TET1: variants seen among roughly 807,000 people sequenced by gnomAD.
The protein encoded by TET1 is methylcytosine dioxygenase TET1.
In TET1, 13 loss-of-function variants were observed where a neutral mutation model predicts 148.7. The observed-to-expected ratio is 0.09, with a 90% CI of 0.06 to 0.14. The LOEUF (loss-of-function observed/expected upper bound fraction) is 0.14. Ranked by LOEUF, TET1 falls within the 10% of genes least tolerant of loss-of-function variation. The probability of loss-of-function intolerance (pLI) is 1.00; values close to 1 mark genes in which losing one functional copy is unlikely to be tolerated. For synonymous variants in TET1, 907 were observed against 937.2 expected (o/e 0.97, Z 0.59); for missense variants, 2,182 against 2,553.8 (o/e 0.85, Z 3.14).
chr10:68,679,518 C>G (rs376895876), intron 8 of TET1, among the ~76,000 whole-genome samples: 1 of 152,284 alleles, frequency 6.6e-6, no homozygotes, highest in East Asian at 1.9e-4. Context: ...TGTAGTAAAA[C>G]ACGGTTACCC....
chr10:68,574,307 T>G, intron 2 of TET1, 55 bp downstream of exon 2: 1 of 1,422,084 alleles, frequency 7.0e-7, no homozygotes. Context: ...TAGTGATCTA[T>G]ATGCAGAGAC....
Position 68,690,459 on chromosome 10 carries a change from T to A in TET1, c.5405-349T>A, listed in dbSNP as rs184411003. The stretch of plus-strand genomic sequence containing the variant: ...TGTCTCTACTAAAAAATACAAAAAA[T>A]TAGCCAGGCGTGGTGGCAGGCGCCT... On this transcript the variant is annotated intron_variant, in intron 11 of 11. Coordinates refer to ENST00000373644, the MANE Select transcript of TET1 (RefSeq NM_030625.3). Among the ~76,000 whole-genome samples, 3 of 152,088 alleles carry A rather than the reference T, an allele frequency of 2.0e-5. No homozygotes were observed. In the East Asian group the frequency reaches 5.8e-4, roughly 29 times the overall value.
At chr10:68,678,605 C>A (rs1209162679) in intron 8 of TET1, among the ~76,000 whole-genome samples, 28 of 151,412 alleles carry the variant, frequency 1.8e-4, no homozygotes, top group Admixed American at 1.8e-3. Flanking sequence ...GAAAAATTAG[C>A]CGGGCATGGT....
chr10:68,562,676 G>C (rs549011560), intron 1 of TET1, among the ~76,000 whole-genome samples: 3 of 139,674 alleles, frequency 2.1e-5, no homozygotes, highest in African/African-American at 7.7e-5. Flanking sequence ...TTTAATAAGA[G>C]TTAACTATCG....
chr10:68,590,154 C>A (rs573309732), intron 2 of TET1, among the ~76,000 whole-genome samples: 2 of 152,010 alleles, frequency 1.3e-5, no homozygotes, highest in South Asian at 2.1e-4. Flanking sequence ...GCTCTGTTGC[C>A]CAGTCTGGAG....
At chr10:68,671,391 G>C (rs1307494611) in intron 7 of TET1, among the ~76,000 whole-genome samples, 2 of 152,172 alleles carry the variant, frequency 1.3e-5, no homozygotes, top group African/African-American at 2.4e-5. Context: ...GTTCTTTTCT[G>C]TGGCTGCATA....
rs1210430339 is a variant in TET1 at position 68,573,925 on chromosome 10, T to C, written c.1587T>C (p.Gly529=). ...GAGGACTCTTCCATGCTTCACTGGG[T>C]ATAGCCCAACTCTCTCAGGCTGGTC... ...PERGLFHASL[G]IAQLSQAGPS... The change falls in exon 2 of 12, where the codon GGT becomes GGC. Residue 529 remains glycine (G), a synonymous_variant. Coordinates refer to ENST00000373644, the MANE Select transcript of TET1 (RefSeq NM_030625.3). 3 of 1,614,070 alleles carry C rather than the reference T, an allele frequency of 1.9e-6. No homozygotes were observed. Among genetic ancestry groups the C allele is most frequent in the South Asian group, 2.2e-5 (2 of 91,084 alleles).
At position 68,672,979 on chromosome 10, in the gene TET1, T is replaced by A; in HGVS notation, c.4758T>A (p.Asn1586Lys). ...SFGCSWSMYFNGCKFGRSPSP... is the reference protein window; with the variant it reads ...SFGCSWSMYFKGCKFGRSPSP... ...GCTGTTCATGGAGTATGTACTTTAA[T>A]GGCTGTAAGTTTGGTAGAAGCCCAA... The change falls in exon 8 of 12, where the codon AAT becomes AAA. Residue 1586 changes from asparagine to lysine, a missense_variant. Coordinates refer to ENST00000373644, the MANE Select transcript of TET1 (RefSeq NM_030625.3). 6.2e-7 allele frequency: 1 copy of A among 1,612,790 alleles called. No individual in the cohort carries two copies. Among genetic ancestry groups the A allele is most frequent in the East Asian group, 2.2e-5 (1 of 44,834 alleles).
At chr10:68,575,154 C>T (rs992248333) in intron 2 of TET1, among the ~76,000 whole-genome samples, 20 of 152,244 alleles carry the variant, frequency 1.3e-4, no homozygotes, top group African/African-American at 4.8e-4. Context: ...AAGGCCGAGG[C>T]GGGCAGATCA....
At chr10:68,653,663 GT>G (rs2054973172) in intron 6 of TET1, among the ~76,000 whole-genome samples, 2 of 152,100 alleles carry the variant, frequency 1.3e-5, no homozygotes, top group African/African-American at 4.8e-5. Context: ...GAATTTACAT[GT>G]TTCTTGTTTT....
At chr10:68,636,981 T>TGTGTGTGTG (rs61255091) in intron 3 of TET1, among the ~76,000 whole-genome samples, 28,536 of 102,212 alleles carry the variant, frequency 0.28, 3,068 homozygotes, top group East Asian at 0.47. Context: ...ATTTTACTCG[T>TGTGTGTGTG]TGTGTGTGTG....
At chr10:68,570,005 G>A (rs1415951042) in intron 1 of TET1, among the ~76,000 whole-genome samples, 1 of 152,104 alleles carries the variant, frequency 6.6e-6, no homozygotes, top group Non-Finnish European at 1.5e-5. Context: ...GGGGGTACAT[G>A]TGCAGGTTTG....
At chr10:68,658,830 T>C (rs556672650) in intron 6 of TET1, among the ~76,000 whole-genome samples, 31 of 152,222 alleles carry the variant, frequency 2.0e-4, no homozygotes, top group Non-Finnish European at 3.1e-4. Flanking sequence ...ATTGTGCCAC[T>C]GCCCTCCAGC....
rs1203513891 is a variant in TET1 at position 68,575,735 on chromosome 10, A to AAATC, written c.1914+1486_1914+1487insCAAT. On this transcript the variant is annotated intron_variant, in intron 2 of 11. Coordinates refer to ENST00000373644, the MANE Select transcript of TET1 (RefSeq NM_030625.3). Reference sequence around the variant, plus strand: ...TAAATAAATAAATAAATAAATAAATAAATAGGCCGGGCGCGGTGGCTCACA... The same window carrying AAATC: ...TAAATAAATAAATAAATAAATAAATAAATCAATAGGCCGGGCGCGGTGGCTCACA... 3.6e-3 allele frequency among the ~76,000 whole-genome samples: 548 copies of AAATC among 150,140 alleles called. 2 individuals are homozygous for AAATC. The highest frequency in any genetic ancestry group is 0.013 in the African/African-American group (528 of 40,876).
intron 2 of TET1, among the ~76,000 whole-genome samples, chr10:68,583,671 G>A (rs1436457084): frequency 2.0e-5 from 3 of 152,134 alleles, no homozygotes; most frequent in Non-Finnish European, 2.9e-5. Flanking sequence ...CCAGCACTTC[G>A]GGAGGCCGAG....
intron 3 of TET1, among the ~76,000 whole-genome samples, chr10:68,631,443 T>C (rs2054569606): frequency 6.8e-6 from 1 of 147,856 alleles, no homozygotes; most frequent in Non-Finnish European, 1.5e-5. Flanking sequence ...CTTTTTTTTT[T>C]TTTTTTTTTT....
At chr10:68,679,428 A>G (rs1174936192) in intron 8 of TET1, among the ~76,000 whole-genome samples, 1 of 152,220 alleles carries the variant, frequency 6.6e-6, no homozygotes, top group Non-Finnish European at 1.5e-5. Flanking sequence ...TACAAAAAGT[A>G]TAGAATTTAC....
rs114801783 is a variant in TET1, at chr10:68,658,465, A to G, written c.4461+5871A>G. Among the ~76,000 whole-genome samples, 557 of 152,054 alleles carry G rather than the reference A, an allele frequency of 3.7e-3. 1 individual carries two copies. The highest frequency in any genetic ancestry group is 0.013 in the African/African-American group (528 of 41,492). On this transcript the variant is annotated intron_variant, in intron 6 of 11. Transcript: ENST00000373644. ...CTTGTCTTCTTTGCTTGGAAGAGAG[A>G]TCTATTGCTTCTCTTTTTAATGATC...
intron 3 of TET1, 62 bp downstream of exon 3, chr10:68,601,096 C>A: frequency 7.0e-7 from 1 of 1,427,460 alleles, no homozygotes; most frequent in Non-Finnish European, 9.6e-7. Context: ...TATTTTTCTG[C>A]ACTTGGGTAT....
Sources: allele counts gnomAD v4.1 joint callset (sites outside exome capture counted in the v4.1 genomes callset), GRCh38; gene constraint gnomAD v4.1.1; transcripts MANE v1.5; gene names NCBI Gene and HGNC (gene_info 2026-07-23, HGNC 2026-07-21).